Variants in EVA1A observed in about 807,000 individuals in gnomAD.
EVA1A encodes protein eva-1 homolog A.
EVA1A carries 7 observed loss-of-function variants against 9.8 expected under a neutral mutation model. The observed-to-expected ratio is 0.71, with a 90% CI of 0.41 to 1.34. The LOEUF is 1.34. Ranked by LOEUF, EVA1A falls within the 40% of genes most tolerant of loss-of-function variation. The pLI is 0.01. For missense variants in EVA1A, 206 were observed against 205.9 expected, an observed-to-expected ratio of 1.00 and a Z score of 0.00; for synonymous variants, 90 against 85.6, an observed-to-expected ratio of 1.05 and a Z score of -0.28.
chr2:75,544,506 C>A (rs894555669), intron 1 of EVA1A, among the ~76,000 whole-genome samples: 4 of 152,040 alleles, frequency 2.6e-5, no homozygotes, highest in Admixed American at 2.6e-4. Flanking sequence ...TGGCCGATAG[C>A]GTCCATGATG....
rs533211679 is a variant in EVA1A at position 75,524,567 on chromosome 2, C to T, written c.-191-2080G>A. 2.0e-5 allele frequency among the ~76,000 whole-genome samples: 3 copies of T among 152,256 alleles called. No homozygotes were observed. The East Asian group carries it at 5.8e-4, about 29-fold the overall frequency. On this transcript the variant is annotated intron_variant, in intron 1 of 3. Coordinates refer to ENST00000393913, the MANE Select transcript of EVA1A (RefSeq NM_001135032.2). ...ATTCATATTTGCAGCATTGCAAATG[C>T]TGAGTTTACAAAATCAATGGAGGCC...
rs564320566 is a variant in EVA1A, at chr2:75,502,474, T to C, written c.86-8865A>G. 8.5e-5 allele frequency among the ~76,000 whole-genome samples: 13 copies of C among 152,362 alleles called. No homozygotes were observed. In the South Asian group the frequency reaches 2.7e-3, roughly 32 times the overall value. On this transcript the variant is annotated intron_variant, in intron 3 of 3. Transcript: ENST00000393913. ...AGTGGCATCTCTACATGCACCCTTT[T>C]ACCTATTCTGCAATCTAAGAATGCT...
intron 3 of EVA1A, among the ~76,000 whole-genome samples, chr2:75,501,005 A>C: frequency 6.7e-6 from 1 of 149,036 alleles, no homozygotes; most frequent in East Asian, 2.0e-4. Flanking sequence ...GACTCCTATT[A>C]TTTACCTTAT....
At chr2:75,501,811 G>A (rs2103789028) in intron 3 of EVA1A, among the ~76,000 whole-genome samples, 1 of 152,328 alleles carries the variant, frequency 6.6e-6, no homozygotes, top group South Asian at 2.1e-4. Flanking sequence ...GATTGGCACT[G>A]TACATCCATT....
chr2:75,544,280 G>A (rs763032772), intron 1 of EVA1A, among the ~76,000 whole-genome samples: 2 of 152,212 alleles, frequency 1.3e-5, no homozygotes, highest in African/African-American at 2.4e-5. Context: ...TAAAGGCCAG[G>A]AAGGGCTCAG....
chr2:75,562,238 T>A (rs1676940517), upstream of EVA1A, among the ~76,000 whole-genome samples: 1 of 152,194 alleles, frequency 6.6e-6, no homozygotes, highest in African/African-American at 2.4e-5. Context: ...GGGTGTCTAT[T>A]AGAAACACCT....
rs1254817269 is a variant in EVA1A, at chr2:75,523,411, A to C, written c.-191-924T>G. On this transcript the variant is annotated intron_variant, in intron 1 of 3. Coordinates refer to ENST00000393913, the MANE Select transcript of EVA1A (RefSeq NM_001135032.2). Reference sequence around the variant, plus strand: ...AAAACTATCAGGCACTGACCCTAGGACAGTCACAGGGAGTCTGAAGAGCAA... The same window carrying C: ...AAAACTATCAGGCACTGACCCTAGGCCAGTCACAGGGAGTCTGAAGAGCAA... Among the ~76,000 whole-genome samples the C allele has an allele frequency of 3.3e-5, 5 of 152,334 alleles. No homozygotes were observed. The East Asian group carries it at 7.7e-4, about 23-fold the overall frequency.
chr2:75,569,325 C>A (rs1677082309), intron 1 of EVA1A, among the ~76,000 whole-genome samples: 1 of 152,124 alleles, frequency 6.6e-6, no homozygotes, highest in Admixed American at 6.6e-5. Flanking sequence ...CCCAACACGC[C>A]ACTGAAACTG....
chr2:75,493,727 A>G, intron 3 of EVA1A, 118 bp from the exon 4 acceptor site: 3 of 878,320 alleles, frequency 3.4e-6, no homozygotes, highest in Non-Finnish European at 5.0e-6. Flanking sequence ...GGTTACAAAT[A>G]TTGTCCTCCA....
intron 3 of EVA1A, among the ~76,000 whole-genome samples, chr2:75,497,563 C>T (rs1674253543): frequency 6.6e-6 from 1 of 151,906 alleles, no homozygotes; most frequent in African/African-American, 2.4e-5. Context: ...TAAAAGGGAA[C>T]ACCAGGCTGG....
At chr2:75,534,796 T>C (rs1675815871) in intron 1 of EVA1A, among the ~76,000 whole-genome samples, 1 of 152,246 alleles carries the variant, frequency 6.6e-6, no homozygotes, top group Admixed American at 6.5e-5. Flanking sequence ...CTGTTGCTTT[T>C]GGGGTCTTAG....
intron 3 of EVA1A, among the ~76,000 whole-genome samples, chr2:75,509,029 G>A (rs1003405282): frequency 6.6e-6 from 1 of 152,154 alleles, no homozygotes; most frequent in Non-Finnish European, 1.5e-5. Flanking sequence ...GAGATGCAGA[G>A]GAGAGCCTGT....
intron 1 of EVA1A, among the ~76,000 whole-genome samples, chr2:75,567,553 A>G (rs758142384): frequency 3.3e-5 from 5 of 152,216 alleles, no homozygotes; most frequent in Non-Finnish European, 7.3e-5. Flanking sequence ...CGAGCTCTTA[A>G]TCTCCCTGAA....
intron 1 of EVA1A, among the ~76,000 whole-genome samples, chr2:75,537,440 A>G (rs905842349): frequency 1.3e-5 from 2 of 152,228 alleles, no homozygotes; most frequent in Non-Finnish European, 2.9e-5. Flanking sequence ...TCTTAAATCA[A>G]CACAACACTG....
At position 75,517,742 on chromosome 2, in the gene EVA1A, C is replaced by A. The variant is rs1675065423; in HGVS notation, c.85+314G>T. On this transcript the variant is annotated intron_variant, in intron 3 of 3. Transcript: ENST00000393913. ...AACCAGGCTGAGGTACTCCATCAGC[C>A]CCCTCCTTGGTCAGAGTTAATGCAT... 31 of 713,504 alleles carry A rather than the reference C, an allele frequency of 4.3e-5. No homozygotes were observed. The South Asian group carries it at 4.6e-4, about 11-fold the overall frequency. 44.2% of individuals were successfully genotyped at this position (713,504 alleles called of 1,614,324 possible).
chr2:75,548,551 T>A (rs989662123), intron 1 of EVA1A, among the ~76,000 whole-genome samples: 1 of 152,150 alleles, frequency 6.6e-6, no homozygotes, highest in East Asian at 1.9e-4. Flanking sequence ...CATGAAAAAA[T>A]TTCACATATT....
chr2:75,540,471 A>C (rs1372119368), intron 1 of EVA1A, among the ~76,000 whole-genome samples: 1 of 152,214 alleles, frequency 6.6e-6, no homozygotes, highest in Non-Finnish European at 1.5e-5. Context: ...TGTATAAAGC[A>C]AATGTTGAGT....
chr2:75,502,211 T>A (rs568583686), intron 3 of EVA1A, among the ~76,000 whole-genome samples: 1 of 152,354 alleles, frequency 6.6e-6, no homozygotes, highest in African/African-American at 2.4e-5. Context: ...AGCTTATGTA[T>A]CCACTAAGGC....
At chr2:75,567,047 A>G (rs975776449) in intron 1 of EVA1A, among the ~76,000 whole-genome samples, 2 of 152,244 alleles carry the variant, frequency 1.3e-5, no homozygotes, top group African/African-American at 2.4e-5. Context: ...CAACGGAACT[A>G]TGAAAGATGC....
Sources: gnomAD v4.1 joint callset for allele counts (sites outside exome capture counted in the v4.1 genomes callset) on GRCh38, gnomAD v4.1.1 for gene constraint, MANE v1.5 for transcripts, NCBI Gene and HGNC (gene_info 2026-07-23, HGNC 2026-07-21) for gene names.